Variants in CCDC175 observed in about 807,000 individuals in gnomAD.
CCDC175 encodes the protein coiled-coil domain containing 175, also known as coiled-coil domain-containing protein 175.
CCDC175 carries 100 observed loss-of-function variants against 114.6 expected under a neutral mutation model. The ratio of observed to expected loss-of-function variants is 0.87; its 90% confidence interval spans 0.74 to 1.03. The LOEUF is 1.03. CCDC175 is among the 50% of genes least tolerant of loss of function. CCDC175 has a pLI of 0.00. For synonymous variants in CCDC175, 306 were observed against 308.7 expected, an observed-to-expected ratio of 0.99 and a Z score of 0.09; for missense variants, 880 against 917.8, an observed-to-expected ratio of 0.96 and a Z score of 0.53.
At chr14:59,530,943 C>T (rs1051524615) in intron 14 of CCDC175, among the ~76,000 whole-genome samples, 5 of 152,042 alleles carry the variant, frequency 3.3e-5, no homozygotes, top group African/African-American at 1.2e-4. Flanking sequence ...AAGACCTGGG[C>T]GGATTCCTTA....
intron 19 of CCDC175, among the ~76,000 whole-genome samples, chr14:59,507,164 C>T (rs1892475359): frequency 6.6e-6 from 1 of 152,012 alleles, no homozygotes; most frequent in South Asian, 2.1e-4. Flanking sequence ...GCCTATTCCA[C>T]ACTTGCTGGT....
intron 13 of CCDC175, among the ~76,000 whole-genome samples, chr14:59,532,115 T>G (rs1459752074): frequency 6.6e-6 from 1 of 152,168 alleles, no homozygotes; most frequent in Non-Finnish European, 1.5e-5. Context: ...ATCCACAAAG[T>G]AAGGAGATTA....
chr14:59,567,501 C>T (rs934409805), intron 4 of CCDC175, among the ~76,000 whole-genome samples: 2 of 152,162 alleles, frequency 1.3e-5, no homozygotes, highest in African/African-American at 4.8e-5. Flanking sequence ...ACTCTGGAAA[C>T]TAACATGCTG....
At chr14:59,559,628 C>T (rs922116733) in intron 7 of CCDC175, among the ~76,000 whole-genome samples, 2 of 151,990 alleles carry the variant, frequency 1.3e-5, no homozygotes, top group Admixed American at 6.6e-5. Flanking sequence ...ATCCACCAAG[C>T]GGGAACTAGG....
At chr14:59,574,746 G>A (rs1897015402) in intron 2 of CCDC175, among the ~76,000 whole-genome samples, 197 bp downstream of exon 2, 1 of 152,104 alleles carries the variant, frequency 6.6e-6, no homozygotes, top group Non-Finnish European at 1.5e-5. Flanking sequence ...TTTTCTTCAT[G>A]GAAAATCAAG....
chr14:59,517,776 C>T (rs1388433537), intron 17 of CCDC175, among the ~76,000 whole-genome samples: 1 of 152,172 alleles, frequency 6.6e-6, no homozygotes, highest in African/African-American at 2.4e-5. Context: ...ATGCCATCCC[C>T]ATCAAGCTAC....
At chr14:59,571,610 A>G (rs567940019) in intron 3 of CCDC175, among the ~76,000 whole-genome samples, 1 of 152,262 alleles carries the variant, frequency 6.6e-6, no homozygotes, top group Admixed American at 6.5e-5. Context: ...CAAAAACAAA[A>G]AAATCTGGAA....
At chr14:59,525,839 A>G (rs569129875) in intron 15 of CCDC175, among the ~76,000 whole-genome samples, 2 of 152,356 alleles carry the variant, frequency 1.3e-5, no homozygotes, top group South Asian at 2.1e-4. Flanking sequence ...TATATTAGAT[A>G]TTATCAGTAA....
chr14:59,508,584 A>AAAAG lies in CCDC175; in HGVS notation c.2305+2061_2305+2062insCTTT, dbSNP rs1284526800. ...CTGTCTCAAAAAAAAAAAAAAAAAA[A>AAAAG]AGAGAGAAAAGCAAGTAATCCTGGC... On this transcript the variant is annotated intron_variant, in intron 19 of 19. Coordinates refer to ENST00000537690, the MANE Select transcript of CCDC175 (RefSeq NM_001164399.2). Among the ~76,000 whole-genome samples the AAAAG allele has an allele frequency of 4.1e-4, 62 of 150,586 alleles. 1 individual carries two copies. Among genetic ancestry groups the AAAAG allele is most frequent in the African/African-American group, 6.1e-4 (25 of 41,106 alleles).
chr14:59,538,828 C>T lies in CCDC175; in HGVS notation c.1368G>A (p.Gln456=). ...TTTTTCTCAAGCAAGCCATTTTCCACTGAGTTATAACACTAGAGATTAGAG... is the reference window on the plus strand; with the variant it reads ...TTTTTCTCAAGCAAGCCATTTTCCATTGAGTTATAACACTAGAGATTAGAG... ...ERESQRCVIT[Q]WKMACLRKKH... The change falls in exon 12 of 20, where the codon CAG becomes CAA. Residue 456 remains glutamine (Q), a synonymous_variant. Transcript: ENST00000537690. 8 of 1,536,816 alleles carry T rather than the reference C, an allele frequency of 5.2e-6. No homozygotes were observed. The highest frequency in any genetic ancestry group is 7.0e-6 in the Non-Finnish European group (8 of 1,146,696).
chr14:59,538,482 G>A (rs1894549133), intron 12 of CCDC175, among the ~76,000 whole-genome samples: 1 of 152,086 alleles, frequency 6.6e-6, no homozygotes, highest in Admixed American at 6.6e-5. Flanking sequence ...GTAAGTTTCT[G>A]GTTACATGCT....
intron 8 of CCDC175, among the ~76,000 whole-genome samples, chr14:59,545,821 G>C (rs938408988): frequency 3.9e-5 from 6 of 152,138 alleles, no homozygotes; most frequent in Non-Finnish European, 7.3e-5. Context: ...GGGCTGAATA[G>C]TTCAAAACAA....
intron 1 of CCDC175, 40 bp from the exon 2 acceptor site, chr14:59,575,068 T>A: frequency 1.7e-6 from 2 of 1,151,136 alleles, no homozygotes; most frequent in Non-Finnish European, 2.4e-6. Flanking sequence ...CTTATTTATC[T>A]ATCCAAATCC....
At chr14:59,569,129 G>A (rs1229355583) in intron 3 of CCDC175, among the ~76,000 whole-genome samples, 2 of 152,192 alleles carry the variant, frequency 1.3e-5, no homozygotes, top group Non-Finnish European at 2.9e-5. Context: ...CAATATGCAT[G>A]AATTTTTGAA....
chr14:59,574,920 G>A (rs1489331408), intron 2 of CCDC175, 23 bp downstream of exon 2: 3 of 1,217,394 alleles, frequency 2.5e-6, no homozygotes, highest in Non-Finnish European at 3.4e-6. Flanking sequence ...TTGAAGAAAT[G>A]GTTCTTATAG....
intron 6 of CCDC175, among the ~76,000 whole-genome samples, chr14:59,562,099 G>T (rs1192051466): frequency 6.6e-6 from 1 of 152,192 alleles, no homozygotes; most frequent in Non-Finnish European, 1.5e-5. Context: ...AACTGGAATC[G>T]TAGAACTACC....
chr14:59,520,649 A>G (rs1217880132), intron 17 of CCDC175, among the ~76,000 whole-genome samples: 1 of 152,222 alleles, frequency 6.6e-6, no homozygotes, highest in Non-Finnish European at 1.5e-5. Flanking sequence ...TATCTATACA[A>G]TGGGATTCTA....
intron 11 of CCDC175, among the ~76,000 whole-genome samples, chr14:59,540,061 ACT>A (rs1464186990): frequency 6.6e-6 from 1 of 152,058 alleles, no homozygotes; most frequent in Non-Finnish European, 1.5e-5. Context: ...ACAGAGCAAG[ACT>A]CTGTCTCAAA....
At chr14:59,550,124 A>G (rs6573266) in intron 8 of CCDC175, among the ~76,000 whole-genome samples, 148,979 of 152,230 alleles carry the variant, frequency 0.98, 72,982 homozygotes, top group East Asian at 1. Context: ...GGTCAGGCTG[A>G]TCTCAAACCC....
Sources: allele counts gnomAD v4.1 joint callset (sites outside exome capture counted in the v4.1 genomes callset), GRCh38; gene constraint gnomAD v4.1.1; transcripts MANE v1.5; gene names NCBI Gene and HGNC (gene_info 2026-07-23, HGNC 2026-07-21).